Variants in PSAP observed in about 807,000 individuals in gnomAD.
The protein encoded by PSAP is prosaposin, also known as precursor of saposins.
A neutral mutation model predicts 66.0 loss-of-function variants in PSAP; 25 were observed. The observed-to-expected ratio is 0.38, with a 90% CI of 0.28 to 0.53. The LOEUF is 0.53. Among genes scored for constraint, PSAP ranks in the 20% least tolerant of loss-of-function variants. The pLI, the probability that PSAP is intolerant of heterozygous loss-of-function variation, is 0.83. For synonymous variants in PSAP, 273 were observed against 258.9 expected (o/e 1.05, Z -0.52); for missense variants, 649 against 668.8 (o/e 0.97, Z 0.33).
rs954093735 is a variant in PSAP, at chr10:71,818,894, C to T, written c.1431+137G>A. On this transcript the variant is annotated intron_variant, in intron 12 of 13. Coordinates refer to ENST00000394936, the MANE Select transcript of PSAP (RefSeq NM_002778.4). ...AGCGATGGGGCTTGGGGGGCTGGCT[C>T]CCTACCTTCTTGGCTCTCCCGCAGC... 5.8e-6 allele frequency: 6 copies of T among 1,040,136 alleles called. No individual in the cohort carries two copies. The African/African-American group carries it at 6.4e-5, about 11-fold the overall frequency. 64.4% of individuals were successfully genotyped at this position (1,040,136 alleles called of 1,614,324 possible).
chr10:71,834,764 G>C (rs922169408), intron 1 of PSAP, among the ~76,000 whole-genome samples: 1 of 152,174 alleles, frequency 6.6e-6, no homozygotes, highest in Admixed American at 6.5e-5. Flanking sequence ...CAGTATCAGG[G>C]AGTATCAGAA....
At chr10:71,847,647 CA>C (rs771414790) in intron 1 of PSAP, among the ~76,000 whole-genome samples, 815 of 125,782 alleles carry the variant, frequency 6.5e-3, no homozygotes, top group Non-Finnish European at 8.3e-3. Flanking sequence ...CTTTCTGCTC[CA>C]AAAAAAAAAA....
Position 71,837,596 on chromosome 10 carries a change from G to A in PSAP, c.41-3091C>T, listed in dbSNP as rs543064817. 3.3e-3 allele frequency among the ~76,000 whole-genome samples: 496 copies of A among 152,338 alleles called. 1 individual carries two copies. The highest frequency in any genetic ancestry group is 0.01 in the African/African-American group (432 of 41,576). On this transcript the variant is annotated intron_variant, in intron 1 of 13. Coordinates refer to ENST00000394936, the MANE Select transcript of PSAP (RefSeq NM_002778.4). ...CATGGCTACCAGCTCCACTGACTGC[G>A]CAGAGCCCGAGGCCCTCAGGCCAAA...
At chr10:71,819,995 A>G in intron 9 of PSAP, 95 bp from the exon 10 acceptor site, 1 of 1,132,188 alleles carries the variant, frequency 8.8e-7, no homozygotes, top group Non-Finnish European at 1.3e-6. Flanking sequence ...AAATGAGTCA[A>G]TGGTGGGTGC....
intron 1 of PSAP, 80 bp downstream of exon 1, chr10:71,851,102 C>A: frequency 6.7e-7 from 1 of 1,498,694 alleles, no homozygotes. Context: ...AGCAGAGGGG[C>A]CAGGCCCGGC....
chr10:71,851,147 C>A, intron 1 of PSAP, 35 bp downstream of exon 1: 1 of 1,549,670 alleles, frequency 6.5e-7, no homozygotes, highest in Middle Eastern at 1.8e-4. Context: ...CGCTGCGAGG[C>A]ACCTCCTCCC....
At position 71,828,955 on chromosome 10, in the gene PSAP, C is replaced by T. The variant is rs2133044816; in HGVS notation, c.498G>A (p.Glu166=). ...TGTTGGCCATGAAGGGGGCCACCAC[C>T]TCAGTCATGTCCAGCTCTGGGATCT... The part of the protein sequence containing the change: ...SNKIPELDMT[E]VVAPFMANIP... Residue 166 remains glutamate, a synonymous_variant, in exon 5 of 14, where the codon GAG becomes GAA. Coordinates refer to ENST00000394936, the MANE Select transcript of PSAP (RefSeq NM_002778.4). 3.7e-6 allele frequency: 6 copies of T among 1,614,156 alleles called. No homozygotes were observed. Among genetic ancestry groups the T allele is most frequent in the Non-Finnish European group, 5.1e-6 (6 of 1,180,030 alleles).
In PSAP at chr10:71,816,688, C is replaced by T. The variant is rs1279242770; in HGVS notation, c.*753G>A. On this transcript the variant is annotated 3_prime_UTR_variant, in exon 14 of 14. Transcript: ENST00000394936. Reference sequence around the variant, plus strand: ...CAGCGCGGCCACCACTGTCCACACGCTCACACAAGCCAGGCCCGCAGGGCC... The same window carrying T: ...CAGCGCGGCCACCACTGTCCACACGTTCACACAAGCCAGGCCCGCAGGGCC... The T allele has an allele frequency of 9.5e-6, 3 of 316,652 alleles. No individual in the cohort carries two copies. The highest frequency in any genetic ancestry group is 1.9e-5 in the Non-Finnish European group (3 of 155,394). 19.6% of individuals were successfully genotyped at this position (316,652 alleles called of 1,614,324 possible). A position where few individuals can be genotyped will look rare whatever the true frequency, so the allele number is the denominator to read the frequency against.
rs1444330302 is a variant in PSAP at position 71,820,221 on chromosome 10, T to C, written c.1005+19A>G. Reference sequence around the variant, plus strand: ...GGGGGGGCAGGAGAGGCCCTCCCTCTGCCAGGAGGACAGCATACCTCAGTC... The same window carrying C: ...GGGGGGGCAGGAGAGGCCCTCCCTCCGCCAGGAGGACAGCATACCTCAGTC... On this transcript the variant is annotated intron_variant, in intron 9 of 13. Coordinates refer to ENST00000394936, the MANE Select transcript of PSAP (RefSeq NM_002778.4). 2.5e-6 allele frequency: 4 copies of C among 1,598,796 alleles called. No individual in the cohort carries two copies. Among genetic ancestry groups the C allele is most frequent in the Non-Finnish European group, 3.4e-6 (4 of 1,166,104 alleles).
chr10:71,818,807 C>T (rs1842231380), intron 12 of PSAP, 83 bp from the exon 13 acceptor site: 1 of 1,243,642 alleles, frequency 8.0e-7, no homozygotes, highest in Non-Finnish European at 1.2e-6. Context: ...AAAACAGTTT[C>T]CAGAAGGAGC....
chr10:71,846,106 T>G (rs1040464507), intron 1 of PSAP, among the ~76,000 whole-genome samples: 1 of 152,032 alleles, frequency 6.6e-6, no homozygotes, highest in Non-Finnish European at 1.5e-5. Context: ...GAATACTAAC[T>G]AAGCCCTTTT....
chr10:71,827,705 C>A (rs867837444), intron 6 of PSAP, among the ~76,000 whole-genome samples: 4 of 134,176 alleles, frequency 3.0e-5, no homozygotes, highest in Admixed American at 8.1e-5. Flanking sequence ...CCAGCCTGGG[C>A]AACAGAGCAA....
chr10:71,831,464 T>G (rs1313659255), intron 3 of PSAP, among the ~76,000 whole-genome samples: 1 of 152,152 alleles, frequency 6.6e-6, no homozygotes, highest in African/African-American at 2.4e-5. Flanking sequence ...TCCCTGGACC[T>G]GCAGTCTCGC....
rs747485660 is a variant in PSAP, at chr10:71,819,599, C to T, written c.1216G>A (p.Gly406Ser). The change falls in exon 11 of 14, where the codon GGT becomes AGT. Residue 406 changes from glycine to serine, a missense_variant. By Grantham distance (56) the Gly-to-Ser change is moderately conservative. Coordinates refer to ENST00000394936, the MANE Select transcript of PSAP (RefSeq NM_002778.4). ...TTCTTGCACACTTCGCAGAAGCCAC[C>T]GTCCTTTGGCTGAGTCACGTGAACT... ...LTVHVTQPKDGGFCEVCKKLV... is the reference protein window; with the variant it reads ...LTVHVTQPKDSGFCEVCKKLV... The T allele has an allele frequency of 1.7e-5, 27 of 1,614,202 alleles. No homozygotes were observed. The highest frequency in any genetic ancestry group is 1.9e-5 in the Non-Finnish European group (22 of 1,180,036).
chr10:71,829,043 A>G lies in PSAP; in HGVS notation c.410T>C (p.Leu137Pro). Residue 137 changes from leucine (L) to proline (P), a missense_variant, in exon 5 of 14, where the codon CTC becomes CCC. Coordinates refer to ENST00000394936, the MANE Select transcript of PSAP (RefSeq NM_002778.4). Reference sequence around the variant, plus strand: ...TAGGTGCTTCTGGAGAGACTCGCAGAGGTTGAGAGCAGAGCACACCTCCCC... The same window carrying G: ...TAGGTGCTTCTGGAGAGACTCGCAGGGGTTGAGAGCAGAGCACACCTCCCC... ...RPGEVCSALN[L>P]CESLQKHLAE... 1.2e-6 allele frequency: 2 copies of G among 1,614,128 alleles called. No individual in the cohort carries two copies. Among genetic ancestry groups the G allele is most frequent in the South Asian group, 2.2e-5 (2 of 91,080 alleles).
intron 1 of PSAP, among the ~76,000 whole-genome samples, chr10:71,850,780 C>A (rs1431134896): frequency 1.3e-5 from 2 of 152,250 alleles, no homozygotes; most frequent in Non-Finnish European, 2.9e-5. Flanking sequence ...AAGTGTCCTG[C>A]GGGACGGGGC....
chr10:71,818,947 A>G (rs1842234098), intron 12 of PSAP, 84 bp downstream of exon 12: 1 of 1,390,644 alleles, frequency 7.2e-7, no homozygotes, highest in Admixed American at 1.8e-5. Context: ...CCCCACGGCC[A>G]AGTCTCAGAG....
intron 7 of PSAP, among the ~76,000 whole-genome samples, chr10:71,823,062 C>T (rs1842336839): frequency 6.6e-6 from 1 of 151,414 alleles, no homozygotes; most frequent in African/African-American, 2.4e-5. Flanking sequence ...GCTTCTGCCT[C>T]GATCAGCTTT....
chr10:71,850,125 G>A (rs902281956), intron 1 of PSAP, among the ~76,000 whole-genome samples: 3 of 152,048 alleles, frequency 2.0e-5, no homozygotes, highest in Non-Finnish European at 2.9e-5. Flanking sequence ...GCCCTGCAAA[G>A]TCTCTTGTGG....
Sources: gnomAD v4.1 joint callset for allele counts (sites outside exome capture counted in the v4.1 genomes callset) on GRCh38, gnomAD v4.1.1 for gene constraint, MANE v1.5 for transcripts, NCBI Gene and HGNC (gene_info 2026-07-23, HGNC 2026-07-21) for gene names.